Variants in LIMCH1 observed in about 807,000 individuals in gnomAD.
The protein encoded by LIMCH1 is LIM and calponin homology domains-containing protein 1.
A neutral mutation model predicts 176.5 loss-of-function variants in LIMCH1; 113 were observed. The observed-to-expected ratio is 0.64, with a 90% confidence interval of 0.55 to 0.75. LIMCH1 has a LOEUF of 0.75. LIMCH1 is among the 30% of genes least tolerant of loss of function. LIMCH1 has a pLI of 0.00. For synonymous variants in LIMCH1, 619 were observed against 645.9 expected, an observed-to-expected ratio of 0.96 and a Z score of 0.63; for missense variants, 1,674 against 1,814.9, an observed-to-expected ratio of 0.92 and a Z score of 1.41.
intron 1 of LIMCH1, among the ~76,000 whole-genome samples, chr4:41,587,687 C>T (rs2086722519): frequency 1.4e-5 from 2 of 146,558 alleles, no homozygotes; most frequent in African/African-American, 5.3e-5. Flanking sequence ...ATCTGGATTT[C>T]TCTCACTTGC....
intron 2 of LIMCH1, among the ~76,000 whole-genome samples, chr4:41,513,890 C>T (rs1029797739): frequency 3.8e-4 from 57 of 151,486 alleles, no homozygotes; most frequent in African/African-American, 1.3e-3. Context: ...CCTGTAATCC[C>T]AGCTACTTGG....
intron 4 of LIMCH1, chr4:41,609,548 A>T (rs1354950243): frequency 4.7e-6 from 2 of 429,908 alleles, no homozygotes; most frequent in East Asian, 1.4e-4. Flanking sequence ...GGGAGCAGAA[A>T]ATGTTGAGCA....
intron 2 of LIMCH1, among the ~76,000 whole-genome samples, chr4:41,496,698 A>G (rs2072218312): frequency 6.6e-6 from 1 of 152,108 alleles, no homozygotes. Context: ...TAGCAGGTGT[A>G]TTTTCTGGGA....
At chr4:41,664,980 T>A (rs1311421610) in intron 20 of LIMCH1, among the ~76,000 whole-genome samples, 1 of 152,200 alleles carries the variant, frequency 6.6e-6, no homozygotes, top group East Asian at 1.9e-4. Flanking sequence ...CCCTGAATAC[T>A]GTTTTGTTGA....
At chr4:41,666,266 A>G (rs1225978137) in intron 20 of LIMCH1, among the ~76,000 whole-genome samples, 1 of 152,222 alleles carries the variant, frequency 6.6e-6, no homozygotes, top group African/African-American at 2.4e-5. Context: ...CAATAAGAAA[A>G]TAAGAGAGTA....
chr4:41,533,277 T>C (rs1386669428), upstream of LIMCH1, among the ~76,000 whole-genome samples: 2 of 152,184 alleles, frequency 1.3e-5, no homozygotes, highest in Non-Finnish European at 2.9e-5. Flanking sequence ...TTCTATTAAT[T>C]AAAAGCAAGT....
chr4:41,364,218 C>A (rs1437032345), intron 1 of LIMCH1, among the ~76,000 whole-genome samples: 1 of 152,038 alleles, frequency 6.6e-6, no homozygotes, highest in African/African-American at 2.4e-5. Flanking sequence ...AGGATTAAAT[C>A]AATTAATATA....
rs1180964091 is a variant in LIMCH1, at chr4:41,629,878, G to T, written c.1271+144G>T. 5.2e-6 allele frequency: 5 copies of T among 966,152 alleles called. No individual in the cohort carries two copies. In the African/African-American group the frequency reaches 8.4e-5, roughly 16 times the overall value. The allele number at this position is 966,152 out of a possible 1,614,324, so 59.8% of individuals were successfully genotyped here. Reference sequence around the variant, plus strand: ...GCTGGAATATAGTGGCTTGATCACAGTTCACTGTACCCTCGACTCCTGGGC... The same window carrying T: ...GCTGGAATATAGTGGCTTGATCACATTTCACTGTACCCTCGACTCCTGGGC... On this transcript the variant is annotated intron_variant, in intron 9 of 31. Coordinates refer to ENST00000503057, the MANE Select transcript of LIMCH1 (RefSeq NM_001330672.2).
intron 7 of LIMCH1, 40 bp downstream of exon 7, chr4:41,620,730 C>A: frequency 6.7e-7 from 1 of 1,500,268 alleles, no homozygotes; most frequent in Non-Finnish European, 8.9e-7. Context: ...TGGCTTTCTG[C>A]ATGCCTGGGG....
In LIMCH1 at chr4:41,613,556, C is replaced by T; in HGVS notation, c.100C>T (p.Pro34Ser). 3 of 1,614,142 alleles carry T rather than the reference C, an allele frequency of 1.9e-6. No individual in the cohort carries two copies. Among genetic ancestry groups the T allele is most frequent in the Non-Finnish European group, 2.5e-6 (3 of 1,180,008 alleles). Reference sequence around the variant, plus strand: ...TTCCGAGCGCAGCGACTCCCTCTCTCCTCCTCGCCACGGCAGAGATGATTC... The same window carrying T: ...TTCCGAGCGCAGCGACTCCCTCTCTTCTCCTCGCCACGGCAGAGATGATTC... The part of the protein sequence containing the change: ...WDSERSDSLS[P>S]PRHGRDDSFD... Residue 34 changes from proline to serine, a missense_variant, in exon 5 of 32, where the codon CCT becomes TCT. By Grantham distance (74) the Pro-to-Ser change is moderately conservative (BLOSUM62 -1). Transcript: ENST00000503057.
intron 28 of LIMCH1, 63 bp downstream of exon 28, chr4:41,685,893 GAGA>G: frequency 6.4e-7 from 1 of 1,558,336 alleles, no homozygotes. Flanking sequence ...AGTTAGAAGG[GAGA>G]AGAATGAAAA....
intron 19 of LIMCH1, among the ~76,000 whole-genome samples, chr4:41,662,097 T>C (rs949335283): frequency 2.0e-5 from 3 of 152,188 alleles, no homozygotes; most frequent in African/African-American, 7.2e-5. Flanking sequence ...AATACCAAAT[T>C]ATTATTTTTT....
At position 41,684,538 on chromosome 4, in the gene LIMCH1, GT is replaced by G. The variant is rs759669159; in HGVS notation, c.3967+23del. On this transcript the variant is annotated intron_variant, in intron 27 of 31. Coordinates refer to ENST00000503057, the MANE Select transcript of LIMCH1 (RefSeq NM_001330672.2). ...CTCAGGGTAAGAATGGAGAAGACCA[GT>G]TTCATTCAATGTTTAAATTGTTGTA... The G allele has an allele frequency of 6.2e-7, 1 of 1,610,454 alleles. No homozygotes were observed. The highest frequency in any genetic ancestry group is 8.5e-7 in the Non-Finnish European group (1 of 1,178,502).
intron 1 of LIMCH1, among the ~76,000 whole-genome samples, chr4:41,562,654 T>C (rs2082212474): frequency 6.6e-6 from 1 of 152,150 alleles, no homozygotes; most frequent in South Asian, 2.1e-4. Context: ...CATAGTCCAC[T>C]GTGGCAATGA....
At chr4:41,517,152 G>A (rs948274150) in intron 2 of LIMCH1, among the ~76,000 whole-genome samples, 1 of 152,170 alleles carries the variant, frequency 6.6e-6, no homozygotes, top group African/African-American at 2.4e-5. Flanking sequence ...AACTTCCGAG[G>A]ACTTCCGGGT....
intron 1 of LIMCH1, among the ~76,000 whole-genome samples, chr4:41,551,896 G>A (rs1220002963): frequency 1.3e-5 from 2 of 152,138 alleles, no homozygotes; most frequent in Non-Finnish European, 1.5e-5. Flanking sequence ...TGTTATAGTG[G>A]AGAAAGTGCT....
At chr4:41,528,175 C>T (rs1022747320) in intron 3 of LIMCH1, among the ~76,000 whole-genome samples, 3 of 150,726 alleles carry the variant, frequency 2.0e-5, no homozygotes, top group Non-Finnish European at 4.4e-5. Context: ...AGTCTGGGTA[C>T]ATAATATATA....
chr4:41,585,229 A>G (rs748431776), intron 1 of LIMCH1, among the ~76,000 whole-genome samples: 1 of 152,148 alleles, frequency 6.6e-6, no homozygotes, highest in Non-Finnish European at 1.5e-5. Context: ...GACCCTGGTA[A>G]CCTTTGTTTT....
chr4:41,691,389 G>GGAT (rs1301512998), intron 30 of LIMCH1, among the ~76,000 whole-genome samples: 1 of 152,024 alleles, frequency 6.6e-6, no homozygotes, highest in African/African-American at 2.4e-5. Flanking sequence ...CTCAGCCTGT[G>GGAT]TTGGTGGAAA....
Sources: allele counts gnomAD v4.1 joint callset (sites outside exome capture counted in the v4.1 genomes callset), GRCh38; gene constraint gnomAD v4.1.1; transcripts MANE v1.5; gene names NCBI Gene and HGNC (gene_info 2026-07-23, HGNC 2026-07-21).